The following EDIL3 variants were observed in gnomAD, a reference collection of about 807,000 sequenced individuals.
The protein encoded by EDIL3 is EGF-like repeat and discoidin I-like domain-containing protein 3.
In EDIL3, 37 loss-of-function variants were observed where a neutral mutation model predicts 67.4. That is an observed-to-expected ratio of 0.55 (90% CI 0.42 to 0.72). The LOEUF (loss-of-function observed/expected upper bound fraction) is 0.72, where lower values mean the gene tolerates loss of function less well. EDIL3 is among the 30% of genes least tolerant of loss of function. EDIL3 has a pLI of 0.00. For missense variants in EDIL3, 527 were observed against 586.3 expected (o/e 0.90, Z 1.04); for synonymous variants, 195 against 196.3 (o/e 0.99, Z 0.05).
At chr5:84,128,554 CAG>C (rs2112305927) in intron 5 of EDIL3, among the ~76,000 whole-genome samples, 1 of 152,176 alleles carries the variant, frequency 6.6e-6, no homozygotes, top group African/African-American at 2.4e-5. Context: ...AGTTTCCTAA[CAG>C]AGAGGTTTTT....
chr5:84,183,432 C>A (rs1749049291), intron 3 of EDIL3, among the ~76,000 whole-genome samples: 1 of 151,866 alleles, frequency 6.6e-6, no homozygotes, highest in South Asian at 2.1e-4. Context: ...TAACTGACAG[C>A]CAAGCACATA....
chr5:84,262,659 G>GTTTTTTTTTGTTTTTTTTTTTT (rs1745251371), intron 1 of EDIL3, among the ~76,000 whole-genome samples: 1 of 46,310 alleles, frequency 2.2e-5, no homozygotes, highest in African/African-American at 8.7e-5. Flanking sequence ...AGGTTGGTTG[G>GTTTTTTTTTGTTTTTTTTTTTT]TTTTTTTTTT....
At chr5:84,094,557 AT>A (rs1350745393) in intron 6 of EDIL3, among the ~76,000 whole-genome samples, 1 of 152,162 alleles carries the variant, frequency 6.6e-6, no homozygotes, top group Admixed American at 6.5e-5. Flanking sequence ...TTTGAAAATG[AT>A]TTTTGTATCT....
At chr5:84,262,134 G>A (rs1373956) in intron 1 of EDIL3, among the ~76,000 whole-genome samples, 84,653 of 151,992 alleles carry the variant, frequency 0.56, 23,821 homozygotes, top group East Asian at 0.82. Context: ...AAGGACATTC[G>A]AAATGAACTA....
At chr5:84,147,664 A>G (rs941353172) in intron 4 of EDIL3, among the ~76,000 whole-genome samples, 1 of 152,056 alleles carries the variant, frequency 6.6e-6, no homozygotes, top group African/African-American at 2.4e-5. Context: ...CTTTTAAGGG[A>G]ATGAAATAAA....
At position 84,137,654 on chromosome 5, in the gene EDIL3, G is replaced by T. The variant is rs192304344; in HGVS notation, c.356-300C>A. On this transcript the variant is annotated intron_variant, in intron 4 of 10. Coordinates refer to ENST00000296591, the MANE Select transcript of EDIL3 (RefSeq NM_005711.5). ...TGGGGAAATATTCAGTGTATCCTTA[G>T]AATTAAATCAAACAAATTAACCCTG... Among the ~76,000 whole-genome samples the T allele has an allele frequency of 1.5e-3, 223 of 152,218 alleles. 1 individual carries two copies. Among genetic ancestry groups the T allele is most frequent in the African/African-American group, 5.2e-3 (217 of 41,522 alleles).
chr5:84,332,923 A>C (rs1266556296), intron 1 of EDIL3, among the ~76,000 whole-genome samples: 3 of 152,224 alleles, frequency 2.0e-5, no homozygotes, highest in Non-Finnish European at 4.4e-5. Flanking sequence ...GTAGTTTTTG[A>C]CAGGGGAAAA....
At chr5:84,368,088 A>G (rs553101986) in intron 1 of EDIL3, among the ~76,000 whole-genome samples, 2 of 152,314 alleles carry the variant, frequency 1.3e-5, no homozygotes, top group East Asian at 3.9e-4. Flanking sequence ...AAACTCTGGA[A>G]TCTATTGAGG....
chr5:84,291,758 ATC>A (rs1745927174), intron 1 of EDIL3, among the ~76,000 whole-genome samples: 2 of 147,608 alleles, frequency 1.4e-5, no homozygotes, highest in African/African-American at 2.5e-5. Context: ...ATATCTATAT[ATC>A]TATATATCTA....
intron 9 of EDIL3, among the ~76,000 whole-genome samples, chr5:84,054,461 C>T (rs1198768145): frequency 6.6e-6 from 1 of 152,072 alleles, no homozygotes; most frequent in Non-Finnish European, 1.5e-5. Flanking sequence ...CTGACCAGGG[C>T]AATCAGGCAG....
chr5:84,296,623 G>A (rs1265989472), intron 1 of EDIL3, among the ~76,000 whole-genome samples: 2 of 152,164 alleles, frequency 1.3e-5, no homozygotes, highest in Non-Finnish European at 2.9e-5. Context: ...CTAAACTTGT[G>A]TACAACTAAA....
At chr5:84,224,574 C>CA (rs1248999303) in intron 3 of EDIL3, among the ~76,000 whole-genome samples, 2 of 151,526 alleles carry the variant, frequency 1.3e-5, no homozygotes, top group Admixed American at 1.3e-4. Flanking sequence ...CAATCACTGA[C>CA]AACTTTGTTA....
chr5:84,291,648 A>G (rs1315145078), intron 1 of EDIL3, among the ~76,000 whole-genome samples: 6 of 145,056 alleles, frequency 4.1e-5, no homozygotes, highest in Non-Finnish European at 9.2e-5. Context: ...ATATCTATCT[A>G]TATCTATATA....
chr5:84,145,633 C>T (rs1407159542), intron 4 of EDIL3, among the ~76,000 whole-genome samples: 1 of 152,042 alleles, frequency 6.6e-6, no homozygotes, highest in African/African-American at 2.4e-5. Context: ...GTCCATATCA[C>T]TCAGACTAGG....
intron 9 of EDIL3, among the ~76,000 whole-genome samples, chr5:84,018,388 C>G (rs1745647067): frequency 6.6e-6 from 1 of 152,144 alleles, no homozygotes; most frequent in East Asian, 1.9e-4. Flanking sequence ...CTTCCCTGAA[C>G]AGATTCACTC....
chr5:83,940,559 T>C lies in EDIL3; in HGVS notation c.*2860A>G, dbSNP rs1173603774. On this transcript the variant is annotated 3_prime_UTR_variant, in exon 11 of 11. Transcript: ENST00000296591. Reference sequence around the variant, plus strand: ...TCACATTCAGACAATTTGTGTATTCTTATAAATGTGTTTAATTACAACTGC... The same window carrying C: ...TCACATTCAGACAATTTGTGTATTCCTATAAATGTGTTTAATTACAACTGC... 6.6e-6 allele frequency: 1 copy of C among 152,050 alleles called. No homozygotes were observed. Among genetic ancestry groups the C allele is most frequent in the Non-Finnish European group, 1.5e-5 (1 of 67,920 alleles). The allele number at this position is 152,050 out of a possible 1,614,324, so 9.4% of individuals were successfully genotyped here.
chr5:84,129,656 G>C (rs1049588885), intron 5 of EDIL3, among the ~76,000 whole-genome samples: 1 of 152,020 alleles, frequency 6.6e-6, no homozygotes, highest in Admixed American at 6.6e-5. Flanking sequence ...TTCTAAAACA[G>C]AGCAGATATT....
chr5:84,236,747 A>T (rs1744690579), intron 2 of EDIL3, among the ~76,000 whole-genome samples: 1 of 152,024 alleles, frequency 6.6e-6, no homozygotes, highest in South Asian at 2.1e-4. Flanking sequence ...AAATTGAGAA[A>T]ATGAAGTCCA....
intron 4 of EDIL3, among the ~76,000 whole-genome samples, chr5:84,173,508 C>T (rs1004345445): frequency 6.6e-6 from 1 of 152,098 alleles, no homozygotes; most frequent in African/African-American, 2.4e-5. Context: ...AAGACAGCAG[C>T]GCACCACAAT....
Sources: allele counts gnomAD v4.1 joint callset (sites outside exome capture counted in the v4.1 genomes callset), GRCh38; gene constraint gnomAD v4.1.1; transcripts MANE v1.5; gene names NCBI Gene and HGNC (gene_info 2026-07-23, HGNC 2026-07-21).